The following PAX5 variants were observed in gnomAD, a reference collection of about 807,000 sequenced individuals.
The protein encoded by PAX5 is paired box protein Pax-5.
A neutral mutation model predicts 43.7 loss-of-function variants in PAX5; 9 were observed. That is an observed-to-expected ratio of 0.21 (90% confidence interval 0.12 to 0.36). The LOEUF (loss-of-function observed/expected upper bound fraction) is 0.36. Ranked by LOEUF, PAX5 falls within the 10% of genes least tolerant of loss-of-function variation. PAX5 has a pLI of 1.00. For synonymous variants in PAX5, 228 were observed against 214.3 expected (o/e 1.06, Z -0.56); for missense variants, 383 against 532.7 (o/e 0.72, Z 2.77).
intron 5 of PAX5, among the ~76,000 whole-genome samples, chr9:36,988,857 T>C (rs1836692634): frequency 2.0e-5 from 3 of 152,206 alleles, no homozygotes; most frequent in Admixed American, 1.3e-4. Flanking sequence ...CAAAATATTA[T>C]AGGCAACATT....
rs573607031 is a variant in PAX5 at position 36,929,097 on chromosome 9, T to A, written c.781-5613A>T. 2.3e-4 allele frequency among the ~76,000 whole-genome samples: 35 copies of A among 152,070 alleles called. 1 individual carries two copies. In the South Asian group the frequency reaches 7.1e-3, roughly 31 times the overall value. On this transcript the variant is annotated intron_variant, in intron 6 of 9. Coordinates refer to ENST00000358127, the MANE Select transcript of PAX5 (RefSeq NM_016734.3). Reference sequence around the variant, plus strand: ...CCTTTTCTCTATGTAATTTCTGAACTTTTTTTCCAAACTTAACTTAGATAC... The same window carrying A: ...CCTTTTCTCTATGTAATTTCTGAACATTTTTTCCAAACTTAACTTAGATAC...
At chr9:36,954,137 G>T (rs1833246341) in intron 6 of PAX5, among the ~76,000 whole-genome samples, 1 of 152,014 alleles carries the variant, frequency 6.6e-6, no homozygotes, top group Non-Finnish European at 1.5e-5. Flanking sequence ...TGCTTACTTT[G>T]TCTCTTCTTA....
chr9:37,018,024 G>A (rs1483632560), intron 2 of PAX5, among the ~76,000 whole-genome samples: 1 of 152,208 alleles, frequency 6.6e-6, no homozygotes, highest in African/African-American at 2.4e-5. Context: ...ATCAAGAGGT[G>A]TAGGTGGCTC....
intron 8 of PAX5, among the ~76,000 whole-genome samples, chr9:36,867,526 G>A (rs1315615522): frequency 6.6e-6 from 1 of 152,094 alleles, no homozygotes; most frequent in Non-Finnish European, 1.5e-5. Flanking sequence ...GAATAGCAAA[G>A]CTCCGTCCAG....
rs62534680 is a variant in PAX5 at position 36,881,802 on chromosome 9, C to A, written c.1012+202G>T. Among the ~76,000 whole-genome samples the A allele has an allele frequency of 0.02, 3,068 of 152,154 alleles. 51 individuals are homozygous for A. The highest frequency in any genetic ancestry group is 0.031 in the Non-Finnish European group (2,098 of 67,994). On this transcript the variant is annotated intron_variant, in intron 8 of 9. Coordinates refer to ENST00000358127, the MANE Select transcript of PAX5 (RefSeq NM_016734.3). ...TGACAGTCAAAGACCCTCCCCTCGCCCCCGGTGTCCTCCCTGGTGCCGCTG... is the reference window on the plus strand; with the variant it reads ...TGACAGTCAAAGACCCTCCCCTCGCACCCGGTGTCCTCCCTGGTGCCGCTG...
At chr9:36,943,529 TACACAC>T (rs1554668821) in intron 6 of PAX5, among the ~76,000 whole-genome samples, 126 of 146,014 alleles carry the variant, frequency 8.6e-4, no homozygotes, top group African/African-American at 2.3e-3. Flanking sequence ...TAGTTCAACA[TACACAC>T]ACACACACAC....
At chr9:36,864,472 GC>G (rs1824606119) in intron 8 of PAX5, among the ~76,000 whole-genome samples, 1 of 152,238 alleles carries the variant, frequency 6.6e-6, no homozygotes, top group Non-Finnish European at 1.5e-5. Flanking sequence ...TTGTGGATGT[GC>G]AGGTGGGAAA....
chr9:36,988,096 A>G (rs1009554979), intron 5 of PAX5, among the ~76,000 whole-genome samples: 1 of 152,258 alleles, frequency 6.6e-6, no homozygotes, highest in Non-Finnish European at 1.5e-5. Flanking sequence ...AGGGTTGTCC[A>G]GACTCAGTGG....
intron 5 of PAX5, among the ~76,000 whole-genome samples, chr9:36,970,334 C>T (rs1171259153): frequency 6.6e-6 from 1 of 151,838 alleles, no homozygotes; most frequent in Non-Finnish European, 1.5e-5. Context: ...GTACAAAGGC[C>T]CTGAGAGAAG....
At chr9:36,935,449 C>G (rs1831472619) in intron 6 of PAX5, among the ~76,000 whole-genome samples, 1 of 152,124 alleles carries the variant, frequency 6.6e-6, no homozygotes, top group Non-Finnish European at 1.5e-5. Context: ...GAGATCTATA[C>G]AGTTTCAGTG....
intron 1 of PAX5, 58 bp downstream of exon 1, chr9:37,033,928 A>G: frequency 6.4e-7 from 1 of 1,567,168 alleles, no homozygotes; most frequent in Admixed American, 1.7e-5. Context: ...CTGCGTGGGG[A>G]CCAAGGCCTG....
At chr9:36,913,183 T>C (rs1015340122) in intron 7 of PAX5, among the ~76,000 whole-genome samples, 1 of 152,178 alleles carries the variant, frequency 6.6e-6, no homozygotes, top group Non-Finnish European at 1.5e-5. Context: ...TCTGTCTTTG[T>C]GGGTATTTCC....
chr9:36,903,789 C>T (rs1028282738), intron 7 of PAX5, among the ~76,000 whole-genome samples: 1 of 152,130 alleles, frequency 6.6e-6, no homozygotes, highest in Non-Finnish European at 1.5e-5. Flanking sequence ...AATCAGATAT[C>T]ACCCAAGAAG....
chr9:36,919,241 G>A (rs541772119), intron 7 of PAX5, among the ~76,000 whole-genome samples: 5 of 151,916 alleles, frequency 3.3e-5, no homozygotes, highest in Non-Finnish European at 7.4e-5. Context: ...GCATACCATT[G>A]AGACCTACTG....
At chr9:36,870,299 C>T (rs973778864) in intron 8 of PAX5, among the ~76,000 whole-genome samples, 1 of 152,182 alleles carries the variant, frequency 6.6e-6, no homozygotes, top group African/African-American at 2.4e-5. Context: ...TTCTACCCCA[C>T]AGCACATCAT....
intron 8 of PAX5, among the ~76,000 whole-genome samples, chr9:36,876,406 G>A (rs2131731839): frequency 6.6e-6 from 1 of 152,318 alleles, no homozygotes; most frequent in South Asian, 2.1e-4. Flanking sequence ...GGTGGGCCAT[G>A]AGGGATGGGG....
At chr9:36,944,721 T>C (rs1022729824) in intron 6 of PAX5, among the ~76,000 whole-genome samples, 23 of 152,180 alleles carry the variant, frequency 1.5e-4, no homozygotes, top group Non-Finnish European at 2.5e-4. Context: ...TTTTCAAACG[T>C]GATTTCTTAG....
intron 3 of PAX5, among the ~76,000 whole-genome samples, chr9:37,007,054 G>T (rs1324321903): frequency 6.6e-6 from 1 of 152,202 alleles, no homozygotes; most frequent in Non-Finnish European, 1.5e-5. Context: ...CCCCTAGGAA[G>T]TTGCCAAGGG....
chr9:36,920,874 C>T (rs916217806), intron 7 of PAX5, among the ~76,000 whole-genome samples: 2 of 129,824 alleles, frequency 1.5e-5, no homozygotes, highest in African/African-American at 2.9e-5. Flanking sequence ...AGTGCAATGG[C>T]GTGATCTTGG....
Sources: gnomAD v4.1 joint callset for allele counts (sites outside exome capture counted in the v4.1 genomes callset) on GRCh38, gnomAD v4.1.1 for gene constraint, MANE v1.5 for transcripts, NCBI Gene and HGNC (gene_info 2026-07-23, HGNC 2026-07-21) for gene names.